ZNF91: variants seen among roughly 807,000 people sequenced by gnomAD.
The protein encoded by ZNF91 is zinc finger protein 91 (HPF7, HTF10).
Under a neutral mutation model 12.6 loss-of-function variants are expected in ZNF91, and 7 were observed. The ratio of observed to expected loss-of-function variants is 0.55; its 90% CI spans 0.31 to 1.04. The LOEUF is 1.04. Ranked by LOEUF, ZNF91 falls within the 50% of genes least tolerant of loss-of-function variation. The pLI is 0.05. For synonymous variants in ZNF91, 453 were observed against 462.6 expected (o/e 0.98, Z 0.27); for missense variants, 1,217 against 1,385.4 (o/e 0.88, Z 1.93).
rs376232688 is a variant in ZNF91, at chr19:23,362,230, A to G, written c.749T>C (p.Leu250Pro). 1 of 1,609,418 alleles carries G rather than the reference A, an allele frequency of 6.2e-7. No homozygotes were observed. The highest frequency in any genetic ancestry group is 8.5e-7 in the Non-Finnish European group (1 of 1,178,196). The stretch of plus-strand genomic sequence containing the variant: ...TATTTTATGTGTAGTAAGGGTTGAG[A>G]GCTGCTTAAAAGCTTTGCCACATTC... ...CEECGKAFKQLSTLTTHKIIC... is the reference protein window; with the variant it reads ...CEECGKAFKQPSTLTTHKIIC... The change falls in exon 4 of 4, where the codon CTC becomes CCC. Residue 250 changes from leucine to proline, a missense_variant. Coordinates refer to ENST00000300619, the MANE Select transcript of ZNF91 (RefSeq NM_003430.4).
At chr19:23,334,427 G>C (rs1967971126), downstream of ZNF91, among the ~76,000 whole-genome samples, 1 of 152,144 alleles carries the variant, frequency 6.6e-6, no homozygotes, top group African/African-American at 2.4e-5. Context: ...AAAAGACAAT[G>C]TGTTCAGCAA....
intron 1 of ZNF91, chr19:23,309,132 A>G (rs1422862519): frequency 2.6e-5 from 4 of 151,042 alleles, no homozygotes; most frequent in Middle Eastern, 3.2e-3. Context: ...TTATTGTAAC[A>G]TATCAATGGA....
chr19:23,366,456 GACA>G (rs1250027905), intron 3 of ZNF91, among the ~76,000 whole-genome samples: 1 of 152,142 alleles, frequency 6.6e-6, no homozygotes, highest in African/African-American at 2.4e-5. Flanking sequence ...AGAAAACCTA[GACA>G]ACATTATACA....
chr19:23,364,771 C>A (rs1188051958), intron 3 of ZNF91, among the ~76,000 whole-genome samples: 1 of 151,912 alleles, frequency 6.6e-6, no homozygotes, highest in African/African-American at 2.4e-5. Flanking sequence ...TCACAACAAA[C>A]CCACACAACA....
intron 3 of ZNF91, among the ~76,000 whole-genome samples, chr19:23,368,821 CTTTA>C (rs1287900870): frequency 6.6e-6 from 1 of 151,426 alleles, no homozygotes; most frequent in Non-Finnish European, 1.5e-5. Flanking sequence ...AGTTAAATAA[CTTTA>C]TTTAGAAATA....
At chr19:23,345,124 C>T (rs1045133262) in intron 3 of ZNF91, among the ~76,000 whole-genome samples, 1 of 152,192 alleles carries the variant, frequency 6.6e-6, no homozygotes, top group African/African-American at 2.4e-5. Flanking sequence ...TAGGGGGATG[C>T]CTCTAAGCCA....
intron 3 of ZNF91, among the ~76,000 whole-genome samples, chr19:23,341,004 C>A (rs1462718414): frequency 6.6e-6 from 1 of 151,186 alleles, no homozygotes; most frequent in African/African-American, 2.4e-5. Flanking sequence ...ATACAAATAG[C>A]CAACACGCAT....
chr19:23,319,751 T>C (rs1314589123), intron 1 of ZNF91, among the ~76,000 whole-genome samples: 2 of 152,186 alleles, frequency 1.3e-5, no homozygotes, highest in African/African-American at 4.8e-5. Flanking sequence ...TTGTGACATA[T>C]ATCTGGCCCC....
exon 4 of ZNF91, chr19:23,305,033 T>G (rs1230354394): frequency 6.6e-6 from 1 of 152,180 alleles, no homozygotes; most frequent in African/African-American, 2.4e-5. Context: ...TTTTTGAACA[T>G]GTGACATTGG....
chr19:23,341,949 G>A (rs1327826041), intron 3 of ZNF91, among the ~76,000 whole-genome samples: 1 of 152,094 alleles, frequency 6.6e-6, no homozygotes, highest in East Asian at 1.9e-4. Flanking sequence ...TAGCTCTCAC[G>A]GTACCCTCTA....
chr19:23,337,360 A>G (rs564707120), downstream of ZNF91, among the ~76,000 whole-genome samples: 75 of 149,398 alleles, frequency 5.0e-4, no homozygotes, highest in South Asian at 0.012. Context: ...GTGTGTGTGT[A>G]TATATATATA....
chr19:23,371,263 T>G (rs534510652), intron 3 of ZNF91, among the ~76,000 whole-genome samples: 2 of 152,150 alleles, frequency 1.3e-5, no homozygotes, highest in Admixed American at 6.5e-5. Context: ...AGAGAATCGC[T>G]TGAATCTGGG....
At chr19:23,384,015 C>CTCA (rs1969798104) in intron 1 of ZNF91, among the ~76,000 whole-genome samples, 1 of 152,062 alleles carries the variant, frequency 6.6e-6, no homozygotes, top group Non-Finnish European at 1.5e-5. Flanking sequence ...GAGGCTGAGA[C>CTCA]AGGATAATCG....
chr19:23,372,469 T>C (rs1345944649), intron 3 of ZNF91, among the ~76,000 whole-genome samples: 1 of 152,042 alleles, frequency 6.6e-6, no homozygotes, highest in East Asian at 1.9e-4. Context: ...AGGATGGGAG[T>C]TATGAAACTC....
At chr19:23,365,472 G>A (rs1968963472) in intron 3 of ZNF91, among the ~76,000 whole-genome samples, 1 of 151,774 alleles carries the variant, frequency 6.6e-6, no homozygotes, top group Admixed American at 6.6e-5. Context: ...TCAGTAAAAT[G>A]AGTCAGTTTT....
chr19:23,369,112 C>A (rs1969148248), intron 3 of ZNF91, among the ~76,000 whole-genome samples: 1 of 152,070 alleles, frequency 6.6e-6, no homozygotes, highest in Admixed American at 6.5e-5. Context: ...GAGTTCAAGA[C>A]CAGCCTGCTA....
rs1000296827 is a variant in ZNF91 at position 23,351,117 on chromosome 19, G to C, written c.254-12063C>G. 7.1e-4 allele frequency among the ~76,000 whole-genome samples: 108 copies of C among 152,164 alleles called. 1 individual carries two copies. Among genetic ancestry groups the C allele is most frequent in the African/African-American group, 2.5e-3 (105 of 41,440 alleles). On this transcript the variant is annotated intron_variant, in intron 3 of 3. Transcript: ENST00000599743. ...GAGGTGGACGGATCACCTGAGGTCA[G>C]GAGTTTGAGACCAGCCTGGCCAACA...
intron 1 of ZNF91, among the ~76,000 whole-genome samples, chr19:23,376,761 T>A (rs1969518648): frequency 6.6e-6 from 1 of 152,032 alleles, no homozygotes; most frequent in African/African-American, 2.4e-5. Context: ...GAAGTAAAAA[T>A]TTGCAAGTAC....
intron 1 of ZNF91, chr19:23,327,420 C>G (rs529195709): frequency 4.1e-4 from 63 of 152,010 alleles, no homozygotes; most frequent in African/African-American, 1.4e-3. Flanking sequence ...TTCTGAAACA[C>G]GAGGTGAAAC....
Sources: gnomAD v4.1 joint callset for allele counts (sites outside exome capture counted in the v4.1 genomes callset) on GRCh38, gnomAD v4.1.1 for gene constraint, MANE v1.5 for transcripts, NCBI Gene and HGNC (gene_info 2026-07-23, HGNC 2026-07-21) for gene names.